LRRC74B: variants seen among roughly 807,000 people sequenced by gnomAD.
LRRC74B encodes leucine-rich repeat-containing protein 74B.
In LRRC74B, 30 loss-of-function variants were observed where a neutral mutation model predicts 16.6. That is an observed-to-expected ratio of 1.80 (90% CI 1.35 to 2.45). The LOEUF (loss-of-function observed/expected upper bound fraction) is 2.45, where lower values mean the gene tolerates loss of function less well. Among genes scored for constraint, LRRC74B ranks in the 30% most tolerant of loss-of-function variants. The probability of loss-of-function intolerance (pLI) is 0.00; values close to 1 mark genes in which losing one functional copy is unlikely to be tolerated. For synonymous variants in LRRC74B, 134 were observed against 86.0 expected, an observed-to-expected ratio of 1.56 and a Z score of -3.09; for missense variants, 326 against 202.4, an observed-to-expected ratio of 1.61 and a Z score of -3.71.
At chr22:21,048,442 A>T (rs2148135761) in intron 3 of LRRC74B, 1 of 272,038 alleles carries the variant, frequency 3.7e-6, no homozygotes, top group East Asian at 8.9e-5. Context: ...CTGGGCAAGC[A>T]GCTTAACCTC....
chr22:21,048,008 G>C, exon 3 of LRRC74B: 2 of 717,394 alleles, frequency 2.8e-6, no homozygotes, highest in East Asian at 5.4e-5. Flanking sequence ...AAAAGCAGCA[G>C]CATCCATGGT....
chr22:21,051,520 C>T (rs1208492119), intron 4 of LRRC74B, among the ~76,000 whole-genome samples: 8 of 152,100 alleles, frequency 5.3e-5, no homozygotes, highest in Non-Finnish European at 1.2e-4. Flanking sequence ...GCTGTGCCAG[C>T]CCTGTTGCCT....
At chr22:21,060,387 C>T (rs1344258474) in exon 9 of LRRC74B, 6 of 715,764 alleles carry the variant, frequency 8.4e-6, no homozygotes, top group South Asian at 1.5e-5. Context: ...TCCAGGTGAA[C>T]GCAGAGTTTG....
intron 6 of LRRC74B, among the ~76,000 whole-genome samples, chr22:21,054,487 G>GC (rs1169414241): frequency 6.6e-6 from 1 of 152,226 alleles, no homozygotes; most frequent in Non-Finnish European, 1.5e-5. Context: ...CGGGCCAGAG[G>GC]CCAGGGAGGT....
At position 21,055,683 on chromosome 22, in the gene LRRC74B, GT is replaced by G. The variant is rs375201636; in HGVS notation, c.927+508del. On this transcript the variant is annotated intron_variant, in intron 7 of 8. Coordinates refer to ENST00000442047, the Ensembl canonical transcript of LRRC74B. ...GGACCACTGTGCCCACAGCAGGTAC[GT>G]GCTGGGGGACAGTATTGCCAGCTGG... 4.3e-3 allele frequency among the ~76,000 whole-genome samples: 655 copies of G among 152,262 alleles called. 2 individuals are homozygous for G. Among genetic ancestry groups the G allele is most frequent in the African/African-American group, 0.014 (599 of 41,550 alleles).
chr22:21,046,489 G>A (rs1929447002), intron 1 of LRRC74B, among the ~76,000 whole-genome samples: 1 of 152,096 alleles, frequency 6.6e-6, no homozygotes, highest in Non-Finnish European at 1.5e-5. Context: ...ATGCAATTTG[G>A]CATCAGACAG....
rs1039188323 is a variant in LRRC74B at position 21,059,117 on chromosome 22, G to C, written c.1024-1256G>C. Among the ~76,000 whole-genome samples, 91 of 152,228 alleles carry C rather than the reference G, an allele frequency of 6.0e-4. 1 individual carries two copies. The highest frequency in any genetic ancestry group is 2.7e-3 in the Admixed American group (41 of 15,296). On this transcript the variant is annotated intron_variant, in intron 8 of 8. Coordinates refer to ENST00000442047, the Ensembl canonical transcript of LRRC74B. ...TAATACAAAAATTTGGCCGGAGTTGGTAGCTCATGCCTGTAATCCCAGAAC... is the reference window on the plus strand; with the variant it reads ...TAATACAAAAATTTGGCCGGAGTTGCTAGCTCATGCCTGTAATCCCAGAAC...
intron 8 of LRRC74B, among the ~76,000 whole-genome samples, chr22:21,057,598 T>C (rs1601822680): frequency 2.0e-5 from 3 of 147,560 alleles, no homozygotes; most frequent in African/African-American, 7.5e-5. Context: ...GTGAGAGAGA[T>C]TAGGATCCCT....
chr22:21,047,708 G>C (rs938256511), intron 2 of LRRC74B, among the ~76,000 whole-genome samples, 176 bp from the exon 3 acceptor site: 2 of 152,262 alleles, frequency 1.3e-5, no homozygotes, highest in Admixed American at 6.5e-5. Flanking sequence ...TAACCCGCTG[G>C]GGGGTCAGGG....
intron 8 of LRRC74B, among the ~76,000 whole-genome samples, chr22:21,059,285 G>A (rs565269353): frequency 6.6e-6 from 1 of 152,234 alleles, no homozygotes; most frequent in Non-Finnish European, 1.5e-5. Flanking sequence ...CTACTCAGGA[G>A]GCTGAGGCAG....
chr22:21,053,492 G>A lies in LRRC74B; in HGVS notation c.848+17G>A, dbSNP rs1184777767. ...CAACATGAGGTGAGGATCCCCGGGG[G>A]GACACCCCAGGAATCATGGGCTCCA... On this transcript the variant is annotated intron_variant, in intron 6 of 8. Transcript: ENST00000442047. The A allele has an allele frequency of 7.0e-6, 5 of 714,850 alleles. No homozygotes were observed. Among genetic ancestry groups the A allele is most frequent in the Non-Finnish European group, 1.3e-5 (5 of 384,422 alleles). The allele number at this position is 714,850 out of a possible 1,614,324, so 44.3% of individuals were successfully genotyped here. A position where few individuals can be genotyped will look rare whatever the true frequency, so the allele number is the denominator to read the frequency against.
downstream of LRRC74B, among the ~76,000 whole-genome samples, chr22:21,060,797 T>C (rs560354422): frequency 6.6e-6 from 1 of 152,278 alleles, no homozygotes; most frequent in East Asian, 1.9e-4. Flanking sequence ...GTATCCAAGA[T>C]GCCCAAGCAA....
downstream of LRRC74B, chr22:21,061,689 A>C (rs1464006803): frequency 6.6e-6 from 1 of 152,274 alleles, no homozygotes; most frequent in Admixed American, 6.5e-5. Context: ...GCTTAATCAT[A>C]GAATTACCGT....
chr22:21,057,460 T>G (rs1601822556), intron 8 of LRRC74B, among the ~76,000 whole-genome samples: 1 of 150,832 alleles, frequency 6.6e-6, no homozygotes, highest in Non-Finnish European at 1.5e-5. Flanking sequence ...TAAGTGGAGG[T>G]CTGGGCATGA....
chr22:21,046,507 C>A (rs1029214490), intron 1 of LRRC74B, among the ~76,000 whole-genome samples: 5 of 152,256 alleles, frequency 3.3e-5, no homozygotes, highest in Middle Eastern at 3.4e-3. Flanking sequence ...CAGGCAGAGG[C>A]CTGACTCTGG....
At chr22:21,058,245 C>A (rs1294010369) in intron 8 of LRRC74B, among the ~76,000 whole-genome samples, 1 of 151,934 alleles carries the variant, frequency 6.6e-6, no homozygotes, top group African/African-American at 2.4e-5. Flanking sequence ...TGAGATGGCT[C>A]ACACCTATAA....
chr22:21,050,777 C>CAAAAAAAA (rs71188205), intron 4 of LRRC74B, among the ~76,000 whole-genome samples: 96 of 104,146 alleles, frequency 9.2e-4, no homozygotes, highest in African/African-American at 4.2e-3. Context: ...GACTCTGTCT[C>CAAAAAAAA]AAAAAAAAAA....
At chr22:21,057,199 C>T in exon 8 of LRRC74B, 1 of 717,306 alleles carries the variant, frequency 1.4e-6, no homozygotes, top group Non-Finnish European at 2.6e-6. Context: ...CTGGATTTCT[C>T]AGTAAGAGCA....
At chr22:21,058,015 A>G (rs1271924582) in intron 8 of LRRC74B, among the ~76,000 whole-genome samples, 1 of 149,798 alleles carries the variant, frequency 6.7e-6, no homozygotes, top group Admixed American at 6.7e-5. Flanking sequence ...CCTCCTGAGT[A>G]GCCAGGATTA....
Sources: gnomAD v4.1 joint callset for allele counts (sites outside exome capture counted in the v4.1 genomes callset) on GRCh38, gnomAD v4.1.1 for gene constraint, MANE v1.5 for transcripts, NCBI Gene and HGNC (gene_info 2026-07-23, HGNC 2026-07-21) for gene names.